The following RABGAP1L variants were observed in gnomAD, a reference collection of about 807,000 sequenced individuals.
RABGAP1L encodes the protein rab GTPase-activating protein 1-like.
A neutral mutation model predicts 137.7 loss-of-function variants in RABGAP1L; 63 were observed. The ratio of observed to expected loss-of-function variants is 0.46; its 90% CI spans 0.37 to 0.56. The LOEUF (loss-of-function observed/expected upper bound fraction) is 0.56, where lower values mean the gene tolerates loss of function less well. Among genes scored for constraint, RABGAP1L ranks in the 20% least tolerant of loss-of-function variants. The pLI is 0.00. For missense variants in RABGAP1L, 1,095 were observed against 1,244.0 expected (o/e 0.88, Z 1.80); for synonymous variants, 431 against 433.7 (o/e 0.99, Z 0.08).
chr1:174,711,734 G>T (rs966119123), intron 17 of RABGAP1L, among the ~76,000 whole-genome samples: 5 of 152,346 alleles, frequency 3.3e-5, no homozygotes, highest in African/African-American at 1.2e-4. Flanking sequence ...GACTGGCACT[G>T]CCCCCTACTC....
chr1:174,285,772 T>C (rs1427799285), intron 10 of RABGAP1L, among the ~76,000 whole-genome samples: 1 of 152,196 alleles, frequency 6.6e-6, no homozygotes, highest in Non-Finnish European at 1.5e-5. Context: ...ATTCCTTCTA[T>C]ACCCAATTTA....
chr1:174,634,412 AG>A (rs753683183), intron 13 of RABGAP1L, among the ~76,000 whole-genome samples: 210 of 107,320 alleles, frequency 2.0e-3, no homozygotes, highest in Non-Finnish European at 3.4e-3. Context: ...GTGGAGAAAT[AG>A]GAACACTTTT....
At chr1:174,575,158 G>A (rs147234306) in intron 13 of RABGAP1L, among the ~76,000 whole-genome samples, 1,662 of 152,182 alleles carry the variant, frequency 0.011, 32 homozygotes, top group African/African-American at 0.038. Context: ...GCGAACTCCC[G>A]ACCTCAGGTG....
At chr1:174,734,336 G>A (rs1418419119) in intron 17 of RABGAP1L, among the ~76,000 whole-genome samples, 2 of 152,132 alleles carry the variant, frequency 1.3e-5, no homozygotes, top group East Asian at 3.8e-4. Context: ...GGGAACTCGG[G>A]AGATGGTAGT....
intron 19 of RABGAP1L, chr1:174,897,706 T>C (rs1657438228): frequency 6.6e-6 from 1 of 152,268 alleles, no homozygotes; most frequent in Admixed American, 6.6e-5. Flanking sequence ...AGGGAGAGAA[T>C]TGGCCTGGCA....
At chr1:174,551,883 G>A (rs1666570536) in intron 13 of RABGAP1L, among the ~76,000 whole-genome samples, 2 of 152,028 alleles carry the variant, frequency 1.3e-5, no homozygotes, top group Non-Finnish European at 2.9e-5. Context: ...CCATTAAAAA[G>A]TTAACAAGAA....
intron 13 of RABGAP1L, among the ~76,000 whole-genome samples, chr1:174,511,375 G>A (rs943034507): frequency 6.6e-6 from 1 of 152,142 alleles, no homozygotes; most frequent in Non-Finnish European, 1.5e-5. Context: ...AGGCTCATAG[G>A]TATTGCTGAA....
intron 13 of RABGAP1L, among the ~76,000 whole-genome samples, chr1:174,473,834 T>A (rs1658209425): frequency 6.6e-6 from 1 of 152,154 alleles, no homozygotes; most frequent in Admixed American, 6.6e-5. Context: ...ATCTTAAAAG[T>A]TCTTGGAGAT....
chr1:174,950,075 T>C (rs907949523), intron 19 of RABGAP1L, among the ~76,000 whole-genome samples: 7 of 152,092 alleles, frequency 4.6e-5, no homozygotes, highest in Non-Finnish European at 7.4e-5. Flanking sequence ...ACCACTAGGA[T>C]TGAGTAATTG....
At chr1:174,349,939 G>A (rs1368309108) in intron 11 of RABGAP1L, among the ~76,000 whole-genome samples, 23 of 138,612 alleles carry the variant, frequency 1.7e-4, no homozygotes, top group African/African-American at 4.7e-4. Context: ...TCCCGGACGG[G>A]GCGGCTGGCC....
chr1:174,940,041 A>G lies in RABGAP1L; in HGVS notation c.2341-17416A>G, dbSNP rs576647249. On this transcript the variant is annotated intron_variant, in intron 19 of 25. Coordinates refer to ENST00000681986, the MANE Select transcript of RABGAP1L (RefSeq NM_001366446.1). ...TAAGGCAGAATTTTTTCCTTAAGGC[A>G]TCCCAATGGAGTTTGGAAAATTCAT... 2.6e-5 allele frequency among the ~76,000 whole-genome samples: 4 copies of G among 152,342 alleles called. No homozygotes were observed. In the East Asian group the frequency reaches 7.7e-4, roughly 29 times the overall value.
chr1:174,670,673 T>G (rs954568375), intron 14 of RABGAP1L, among the ~76,000 whole-genome samples: 1 of 152,204 alleles, frequency 6.6e-6, no homozygotes, highest in African/African-American at 2.4e-5. Context: ...GTGCCTGGCT[T>G]ATTTCACTTA....
intron 19 of RABGAP1L, among the ~76,000 whole-genome samples, chr1:174,927,672 A>G (rs189600496): frequency 2.6e-5 from 4 of 152,328 alleles, no homozygotes. Flanking sequence ...CTGCCTTGGC[A>G]TCCCGAGTAG....
rs890400257 is a variant in RABGAP1L, at chr1:174,768,657, A to G, written c.2211+16303A>G. On this transcript the variant is annotated intron_variant, in intron 18 of 25. Coordinates refer to ENST00000681986, the MANE Select transcript of RABGAP1L (RefSeq NM_001366446.1). ...AAACACAAACCCTGGAATCATGCCA[A>G]TGTATAAAACCCTAAGTCAAGGGTC... Among the ~76,000 whole-genome samples the G allele has an allele frequency of 1.1e-4, 16 of 152,368 alleles. No individual in the cohort carries two copies. In the East Asian group the frequency reaches 3.1e-3, roughly 29 times the overall value.
intron 1 of RABGAP1L, among the ~76,000 whole-genome samples, 167 bp from the exon 2 acceptor site, chr1:174,218,958 A>G (rs1669544748): frequency 6.6e-6 from 1 of 152,162 alleles, no homozygotes; most frequent in South Asian, 2.1e-4. Flanking sequence ...CATTTCCATT[A>G]AGTGGCTCAG....
intron 12 of RABGAP1L, 143 bp from the exon 13 acceptor site, chr1:174,393,852 G>A (rs1314660982): frequency 2.6e-6 from 2 of 777,498 alleles, no homozygotes; most frequent in Admixed American, 2.9e-5. Context: ...AGCTTAAGCA[G>A]TACTATTGTT....
At chr1:174,222,714 CGTTGTA>C (rs1369761563) in intron 3 of RABGAP1L, among the ~76,000 whole-genome samples, 1 of 151,962 alleles carries the variant, frequency 6.6e-6, no homozygotes, top group Admixed American at 6.5e-5. Flanking sequence ...AGCTCTTTGA[CGTTGTA>C]CTAAAGAATC....
chr1:174,696,031 G>A (rs1679230632), intron 15 of RABGAP1L, among the ~76,000 whole-genome samples: 1 of 152,128 alleles, frequency 6.6e-6, no homozygotes, highest in South Asian at 2.1e-4. Flanking sequence ...AGCTGGGACT[G>A]GCTACTATGG....
chr1:174,457,331 T>A (rs1656147552), intron 13 of RABGAP1L, among the ~76,000 whole-genome samples: 1 of 152,126 alleles, frequency 6.6e-6, no homozygotes, highest in South Asian at 2.1e-4. Context: ...AAGAAAATAT[T>A]CTTTATGTGG....
Sources: gnomAD v4.1 joint callset for allele counts (sites outside exome capture counted in the v4.1 genomes callset) on GRCh38, gnomAD v4.1.1 for gene constraint, MANE v1.5 for transcripts, NCBI Gene and HGNC (gene_info 2026-07-23, HGNC 2026-07-21) for gene names.